The following TAF1A variants were observed in gnomAD, a reference collection of about 807,000 sequenced individuals.
TAF1A encodes TATA box-binding protein-associated factor RNA polymerase I subunit A.
In TAF1A, 42 loss-of-function variants were observed where a neutral mutation model predicts 61.6. The ratio of observed to expected loss-of-function variants is 0.68; its 90% confidence interval spans 0.53 to 0.88. The LOEUF (loss-of-function observed/expected upper bound fraction) is 0.88, where lower values mean the gene tolerates loss of function less well. TAF1A is among the 40% of genes least tolerant of loss of function. TAF1A has a pLI of 0.00. For synonymous variants in TAF1A, 179 were observed against 177.7 expected, an observed-to-expected ratio of 1.01 and a Z score of -0.06; for missense variants, 424 against 518.7, an observed-to-expected ratio of 0.82 and a Z score of 1.77.
At chr1:222,555,198 A>ATT (rs1322648160), downstream of TAF1A, among the ~76,000 whole-genome samples, 2 of 152,200 alleles carry the variant, frequency 1.3e-5, no homozygotes, top group African/African-American at 4.8e-5. Flanking sequence ...GGGGATGTAA[A>ATT]TTATGGAAAA....
intron 5 of TAF1A, among the ~76,000 whole-genome samples, chr1:222,574,651 A>T (rs1447112250): frequency 6.6e-6 from 1 of 152,240 alleles, no homozygotes; most frequent in Non-Finnish European, 1.5e-5. Context: ...ACCATAAAAA[A>T]TGAATAAATT....
intron 7 of TAF1A, 46 bp from the exon 8 acceptor site, chr1:222,564,171 AT>A (rs1181027330): frequency 8.2e-7 from 1 of 1,214,698 alleles, no homozygotes; most frequent in Non-Finnish European, 1.2e-6. Context: ...TTGTAAAAGC[AT>A]TTCTCAAATT....
At chr1:222,579,893 G>A in intron 3 of TAF1A, 21 bp from the exon 4 acceptor site, 2 of 1,583,830 alleles carry the variant, frequency 1.3e-6, no homozygotes, top group Non-Finnish European at 1.7e-6. Context: ...AGAAATTACT[G>A]CCAAAATGTA....
At chr1:222,579,953 C>G (rs527541937) in intron 3 of TAF1A, 81 bp from the exon 4 acceptor site, 1 of 1,490,980 alleles carries the variant, frequency 6.7e-7, no homozygotes, top group East Asian at 2.3e-5. Flanking sequence ...TTCCTGATTA[C>G]AACATTAATA....
chr1:222,582,644 A>T (rs1380271075), intron 3 of TAF1A, among the ~76,000 whole-genome samples: 1 of 152,232 alleles, frequency 6.6e-6, no homozygotes, highest in Admixed American at 6.5e-5. Context: ...ACCTGTACAC[A>T]AATGTTCGCA....
chr1:222,579,286 T>C (rs770418883), intron 4 of TAF1A, among the ~76,000 whole-genome samples: 36 of 152,342 alleles, frequency 2.4e-4, no homozygotes, highest in Admixed American at 3.9e-4. Flanking sequence ...GGAGATACAA[T>C]ATTTTGAAAA....
At chr1:222,585,098 CTA>C (rs1439725003) in intron 2 of TAF1A, among the ~76,000 whole-genome samples, 24 of 152,356 alleles carry the variant, frequency 1.6e-4, no homozygotes, top group Middle Eastern at 3.4e-3. Flanking sequence ...TCATTACACA[CTA>C]TCTGAAGGTG....
intron 7 of TAF1A, chr1:222,569,182 A>T (rs1660241079): frequency 1.0e-6 from 1 of 998,662 alleles, no homozygotes; most frequent in Non-Finnish European, 1.3e-6. Flanking sequence ...TAACGCATCC[A>T]AGCACATACT....
chr1:222,572,237 A>AG (rs1660387627), intron 5 of TAF1A, among the ~76,000 whole-genome samples: 2 of 148,048 alleles, frequency 1.4e-5, no homozygotes, highest in African/African-American at 5.0e-5. Context: ...AAAAAAAAAA[A>AG]GTACTACAAA....
intron 3 of TAF1A, among the ~76,000 whole-genome samples, chr1:222,581,213 G>A (rs1292669922): frequency 6.6e-6 from 1 of 152,172 alleles, no homozygotes; most frequent in Non-Finnish European, 1.5e-5. Context: ...CCAAAGAAGT[G>A]CTCAAAAACC....
chr1:222,581,092 T>C lies in TAF1A; in HGVS notation c.292-1220A>G, dbSNP rs1571825054. ...GCCTGGGTGACAAAGTGAGTGAGACTCCATCTCAAAAAATAAAAAAATACA... is the reference window on the plus strand; with the variant it reads ...GCCTGGGTGACAAAGTGAGTGAGACCCCATCTCAAAAAATAAAAAAATACA... On this transcript the variant is annotated intron_variant, in intron 3 of 10. Coordinates refer to ENST00000352967, the MANE Select transcript of TAF1A (RefSeq NM_005681.4). Among the ~76,000 whole-genome samples, 4 of 152,192 alleles carry C rather than the reference T, an allele frequency of 2.6e-5. No individual in the cohort carries two copies. In the East Asian group the frequency reaches 7.7e-4, roughly 29 times the overall value.
rs1448452369 is a variant in TAF1A at position 222,570,542 on chromosome 1, T to C, written c.728A>G (p.Tyr243Cys). ...AATGAAAATTCTACTTACTTCTACATAACTCTTCACAAAAGGGTCCCAAAC... is the reference window on the plus strand; with the variant it reads ...AATGAAAATTCTACTTACTTCTACACAACTCTTCACAAAAGGGTCCCAAAC... ...PGVWDPFVKSYVEMLEFYGDR... is the reference protein window; with the variant it reads ...PGVWDPFVKSCVEMLEFYGDR... The change falls in exon 6 of 11, where the codon TAT becomes TGT. Residue 243 changes from tyrosine (Y) to cysteine (C), a missense_variant. By Grantham distance (194) the Tyr-to-Cys change is radical. Transcript: ENST00000352967. 6.2e-7 allele frequency: 1 copy of C among 1,610,062 alleles called. No individual in the cohort carries two copies. Among genetic ancestry groups the C allele is most frequent in the Non-Finnish European group, 8.5e-7 (1 of 1,177,290 alleles).
intron 3 of TAF1A, among the ~76,000 whole-genome samples, chr1:222,581,729 T>C (rs1181183958): frequency 1.3e-5 from 2 of 152,122 alleles, no homozygotes; most frequent in African/African-American, 4.8e-5. Context: ...GTAGCTGCAG[T>C]GATAGCTGAA....
At chr1:222,563,361 T>C (rs552683511) in intron 8 of TAF1A, 65 bp from the exon 9 acceptor site, 28 of 1,525,228 alleles carry the variant, frequency 1.8e-5, no homozygotes, top group Admixed American at 8.3e-5. Context: ...AAAATTTACA[T>C]GTATACATTT....
chr1:222,576,298 G>A (rs996775246), intron 5 of TAF1A, among the ~76,000 whole-genome samples: 1 of 152,144 alleles, frequency 6.6e-6, no homozygotes, highest in African/African-American at 2.4e-5. Context: ...AGAGTATCTT[G>A]AAAGAAGAGG....
chr1:222,587,994 G>A (rs1418052131), intron 2 of TAF1A, among the ~76,000 whole-genome samples: 1 of 151,670 alleles, frequency 6.6e-6, no homozygotes, highest in African/African-American at 2.4e-5. Flanking sequence ...GTTGCAGTGA[G>A]CCAAGATCTA....
chr1:222,589,892 C>T lies in TAF1A; in HGVS notation c.-168G>A. On this transcript the variant is annotated 5_prime_UTR_variant, in exon 1 of 11. Transcript: ENST00000352967. ...GCGGCCCGGCTCGTAACTCCTCCTG[C>T]TGCAGCAGGCGTATCGTTGGCCTCG... is the stretch of plus-strand genomic sequence containing the variant. 2.5e-6 allele frequency: 1 copy of T among 396,582 alleles called. No individual in the cohort carries two copies. Among genetic ancestry groups the T allele is most frequent in the Non-Finnish European group, 4.4e-6 (1 of 225,378 alleles). 24.6% of individuals were successfully genotyped at this position (396,582 alleles called of 1,614,324 possible). A position where few individuals can be genotyped will look rare whatever the true frequency, so the allele number is the denominator to read the frequency against.
At chr1:222,587,154 T>C (rs556482655) in intron 2 of TAF1A, among the ~76,000 whole-genome samples, 1 of 152,354 alleles carries the variant, frequency 6.6e-6, no homozygotes, top group Admixed American at 6.5e-5. Context: ...TTAAGCCATG[T>C]GCATTAATCT....
chr1:222,570,506 C>T, intron 6 of TAF1A, 29 bp downstream of exon 6: 1 of 1,581,110 alleles, frequency 6.3e-7, no homozygotes, highest in Non-Finnish European at 8.6e-7. Context: ...CAAAATAAAA[C>T]CAATAAATTT....
Sources: gnomAD v4.1 joint callset for allele counts (sites outside exome capture counted in the v4.1 genomes callset) on GRCh38, gnomAD v4.1.1 for gene constraint, MANE v1.5 for transcripts, NCBI Gene and HGNC (gene_info 2026-07-23, HGNC 2026-07-21) for gene names.